Variants in GALNT18 observed in about 807,000 individuals in gnomAD.
The protein encoded by GALNT18 is GalNAc-transferase 18.
A neutral mutation model predicts 69.5 loss-of-function variants in GALNT18; 44 were observed. The ratio of observed to expected loss-of-function variants is 0.63; its 90% confidence interval spans 0.50 to 0.81. The LOEUF is 0.81. Among genes scored for constraint, GALNT18 ranks in the 40% least tolerant of loss-of-function variants. GALNT18 has a pLI of 0.00. For synonymous variants in GALNT18, 364 were observed against 318.2 expected (o/e 1.14, Z -1.53); for missense variants, 715 against 810.0 (o/e 0.88, Z 1.42).
rs570917500 is a variant in GALNT18 at position 11,602,609 on chromosome 11, A to G, written c.235+18750T>C. ...GATTTTCTTGAATAAGTGTTTCTTC[A>G]TTTTATGTATCTCATCAGGGCAATT... On this transcript the variant is annotated intron_variant, in intron 1 of 10. Coordinates refer to ENST00000227756, the MANE Select transcript of GALNT18 (RefSeq NM_198516.3). This position sits in a 1 kb window ranked among gnomAD's most constrained non-coding sequence, Gnocchi z 4.7. Among the ~76,000 whole-genome samples the G allele has an allele frequency of 2.0e-5, 3 of 152,106 alleles. No individual in the cohort carries two copies. The highest frequency in any genetic ancestry group is 4.4e-5 in the Non-Finnish European group (3 of 68,022).
intron 3 of GALNT18, among the ~76,000 whole-genome samples, chr11:11,419,690 C>T (rs1854955486): frequency 1.3e-5 from 2 of 150,668 alleles, no homozygotes; most frequent in South Asian, 2.1e-4. Context: ...ATCTTTGTGT[C>T]AATATGATTA....
chr11:11,476,699 A>T (rs969141935), intron 1 of GALNT18, among the ~76,000 whole-genome samples: 1 of 152,108 alleles, frequency 6.6e-6, no homozygotes, highest in Admixed American at 6.5e-5. Flanking sequence ...AGGCATTTAG[A>T]TATTTGAGAT....
At chr11:11,307,416 T>C (rs942737520) in intron 9 of GALNT18, among the ~76,000 whole-genome samples, 8 of 152,218 alleles carry the variant, frequency 5.3e-5, no homozygotes, top group Admixed American at 4.6e-4. Flanking sequence ...TACATACTTA[T>C]TTAAATAACC....
At chr11:11,484,368 G>A (rs531390696) in intron 1 of GALNT18, among the ~76,000 whole-genome samples, 2 of 151,950 alleles carry the variant, frequency 1.3e-5, no homozygotes, top group Non-Finnish European at 2.9e-5. Flanking sequence ...CGAGGTGGGC[G>A]GATCACCTGA....
chr11:11,594,660 A>G (rs1477266726), intron 1 of GALNT18, among the ~76,000 whole-genome samples: 2 of 152,108 alleles, frequency 1.3e-5, no homozygotes, highest in African/African-American at 4.8e-5. Flanking sequence ...TTATGGCTGA[A>G]TAAATATATC....
rs982150888 is a variant in GALNT18, at chr11:11,603,395, C to T, written c.235+17964G>A. Among the ~76,000 whole-genome samples, 8 of 152,162 alleles carry T rather than the reference C, an allele frequency of 5.3e-5. No individual in the cohort carries two copies. Among genetic ancestry groups the T allele is most frequent in the African/African-American group, 1.9e-4 (8 of 41,432 alleles). On this transcript the variant is annotated intron_variant, in intron 1 of 10. Coordinates refer to ENST00000227756, the MANE Select transcript of GALNT18 (RefSeq NM_198516.3). The surrounding 1 kb of genome is among the most constrained non-coding windows in gnomAD (Gnocchi z 4.5). ...TGTATGTGGCCAAAGGGAGTGTGGC[C>T]TGCCAAAGGTGGGGGAATGTATAGG...
At chr11:11,424,996 A>T (rs1855095565) in intron 3 of GALNT18, among the ~76,000 whole-genome samples, 1 of 152,088 alleles carries the variant, frequency 6.6e-6, no homozygotes, top group African/African-American at 2.4e-5. Flanking sequence ...CTTCTGTGGG[A>T]GTCAGAAGAC....
chr11:11,408,089 G>A (rs980344115), intron 3 of GALNT18, among the ~76,000 whole-genome samples: 1 of 152,194 alleles, frequency 6.6e-6, no homozygotes, highest in Non-Finnish European at 1.5e-5. Flanking sequence ...CTACTGGCCA[G>A]GCGTGGTGGC....
chr11:11,594,864 CAT>C (rs1491417164), intron 1 of GALNT18, among the ~76,000 whole-genome samples: 11 of 139,582 alleles, frequency 7.9e-5, no homozygotes, highest in African/African-American at 2.6e-4. Context: ...CATACACACA[CAT>C]AAATATATAT....
chr11:11,527,863 A>G (rs1857556407), intron 1 of GALNT18, among the ~76,000 whole-genome samples: 1 of 152,232 alleles, frequency 6.6e-6, no homozygotes, highest in Non-Finnish European at 1.5e-5. Flanking sequence ...GCACCCTAGC[A>G]GGAGACAAAC....
chr11:11,463,614 A>G lies in GALNT18; in HGVS notation c.236-14678T>C, dbSNP rs1195324007. Among the ~76,000 whole-genome samples the G allele has an allele frequency of 6.6e-6, 1 of 151,756 alleles. No individual in the cohort carries two copies. Among genetic ancestry groups the G allele is most frequent in the Non-Finnish European group, 1.5e-5 (1 of 67,970 alleles). On this transcript the variant is annotated intron_variant, in intron 1 of 10. Coordinates refer to ENST00000227756, the MANE Select transcript of GALNT18 (RefSeq NM_198516.3). The surrounding 1 kb of genome is among the most constrained non-coding windows in gnomAD (Gnocchi z 4.2). Reference sequence around the variant, plus strand: ...TACTGTCCTAAGTCGTAAATCTCTCACCCCCAGCAGTCACAGCTGTATTTC... The same window carrying G: ...TACTGTCCTAAGTCGTAAATCTCTCGCCCCCAGCAGTCACAGCTGTATTTC...
chr11:11,431,056 T>C (rs1445805461), intron 3 of GALNT18, among the ~76,000 whole-genome samples: 1 of 152,228 alleles, frequency 6.6e-6, no homozygotes, highest in East Asian at 1.9e-4. Context: ...GCTTTGTCCA[T>C]ATGACTTAGA....
At chr11:11,299,739 GT>G in intron 9 of GALNT18, among the ~76,000 whole-genome samples, 1 of 152,198 alleles carries the variant, frequency 6.6e-6, no homozygotes, top group Non-Finnish European at 1.5e-5. Flanking sequence ...CTGGTTCCAT[GT>G]TTTTGCAATT....
intron 3 of GALNT18, among the ~76,000 whole-genome samples, chr11:11,411,378 A>C (rs902548189): frequency 6.6e-6 from 1 of 152,184 alleles, no homozygotes; most frequent in South Asian, 2.1e-4. Context: ...GGTTTGCAGA[A>C]ATAAGCCCTT....
At chr11:11,344,125 C>A (rs1268662857) in intron 6 of GALNT18, among the ~76,000 whole-genome samples, 1 of 152,218 alleles carries the variant, frequency 6.6e-6, no homozygotes, top group East Asian at 1.9e-4. Context: ...CTGCACCATG[C>A]CCCTGGCACA....
At chr11:11,364,115 G>A (rs760603082) in intron 6 of GALNT18, among the ~76,000 whole-genome samples, 1 of 152,156 alleles carries the variant, frequency 6.6e-6, no homozygotes, top group Non-Finnish European at 1.5e-5. Context: ...ATTATAGAAA[G>A]AACTATTTAT....
chr11:11,432,612 G>A lies in GALNT18; in HGVS notation c.595+9C>T, dbSNP rs779085634. 3.7e-6 allele frequency: 6 copies of A among 1,600,568 alleles called. No individual in the cohort carries two copies. The highest frequency in any genetic ancestry group is 3.4e-5 in the Admixed American group (2 of 58,722). On this transcript the variant is annotated intron_variant, in intron 3 of 10. Transcript: ENST00000227756. The surrounding 1 kb of genome is among the most constrained non-coding windows in gnomAD (Gnocchi z 5.8). ...TAGGGCCTGGGCCCTGGGAAGCTCC[G>A]ACACTCACCGTTACTGCTGTTGTCA...
chr11:11,486,940 G>A (rs1363734198), intron 1 of GALNT18, among the ~76,000 whole-genome samples: 1 of 152,200 alleles, frequency 6.6e-6, no homozygotes, highest in Non-Finnish European at 1.5e-5. Context: ...CACTTGACCT[G>A]GTATGATGGC....
rs1351868012 is a variant in GALNT18, at chr11:11,372,660, T to C, written c.978-31A>G. The C allele has an allele frequency of 5.8e-6, 9 of 1,564,624 alleles. No homozygotes were observed. The highest frequency in any genetic ancestry group is 1.1e-5 in the South Asian group (1 of 89,910). ...GGGGCAGGGGAGAGCAGAAGGGCTG[T>C]CTGGTGCAGCTGTCCGAGGAGTAAG... is the stretch of plus-strand genomic sequence containing the variant. On this transcript the variant is annotated intron_variant, in intron 5 of 10. Coordinates refer to ENST00000227756, the MANE Select transcript of GALNT18 (RefSeq NM_198516.3). The surrounding 1 kb of genome is among the most constrained non-coding windows in gnomAD (Gnocchi z 4.9).
Sources: allele counts gnomAD v4.1 joint callset (sites outside exome capture counted in the v4.1 genomes callset), GRCh38; gene constraint gnomAD v4.1.1; non-coding constraint Gnocchi (gnomAD v3.1); transcripts MANE v1.5; gene names NCBI Gene and HGNC (gene_info 2026-07-23, HGNC 2026-07-21).